Variants in TTC29 observed in about 807,000 individuals in gnomAD.
The protein encoded by TTC29 is tetratricopeptide repeat protein 29.
In TTC29, 49 loss-of-function variants were observed where a neutral mutation model predicts 58.1. The ratio of observed to expected loss-of-function variants is 0.84; its 90% CI spans 0.67 to 1.07. The LOEUF is 1.07. TTC29 is among the 50% of genes least tolerant of loss of function. The probability of loss-of-function intolerance (pLI) is 0.00; values close to 1 mark genes in which losing one functional copy is unlikely to be tolerated. For synonymous variants in TTC29, 209 were observed against 196.8 expected (o/e 1.06, Z -0.52); for missense variants, 582 against 555.6 (o/e 1.05, Z -0.48).
chr4:146,746,630 G>A (rs1424562955), intron 11 of TTC29, among the ~76,000 whole-genome samples: 1 of 152,156 alleles, frequency 6.6e-6, no homozygotes, highest in African/African-American at 2.4e-5. Flanking sequence ...TTTATTGTGT[G>A]TGTGAGGAAT....
At chr4:146,803,949 G>T (rs531312267) in intron 10 of TTC29, among the ~76,000 whole-genome samples, 6 of 152,306 alleles carry the variant, frequency 3.9e-5, no homozygotes, top group Middle Eastern at 3.4e-3. Context: ...GTTCTGCAAT[G>T]TCTGGCAAGA....
At chr4:146,807,190 T>A (rs1340101697) in intron 10 of TTC29, among the ~76,000 whole-genome samples, 2 of 152,068 alleles carry the variant, frequency 1.3e-5, no homozygotes, top group Non-Finnish European at 2.9e-5. Flanking sequence ...TTGAAACCAA[T>A]GAGAACAAAG....
At chr4:146,935,491 A>G (rs1448784783) in intron 4 of TTC29, among the ~76,000 whole-genome samples, 2 of 152,312 alleles carry the variant, frequency 1.3e-5, no homozygotes, top group Non-Finnish European at 2.9e-5. Context: ...CTGAAGATCT[A>G]TGACTACCAG....
At chr4:146,828,067 A>G (rs758727143) in intron 9 of TTC29, among the ~76,000 whole-genome samples, 7 of 151,666 alleles carry the variant, frequency 4.6e-5, no homozygotes, top group Non-Finnish European at 1.0e-4. Flanking sequence ...ATGAAATTTT[A>G]TGTTACTGCA....
At chr4:146,758,510 C>G (rs1473585338) in intron 11 of TTC29, among the ~76,000 whole-genome samples, 1 of 152,062 alleles carries the variant, frequency 6.6e-6, no homozygotes, top group Non-Finnish European at 1.5e-5. Context: ...ATATACAGAA[C>G]GTTTCATCCA....
At chr4:146,778,923 A>G (rs1168142614) in intron 11 of TTC29, among the ~76,000 whole-genome samples, 4 of 144,128 alleles carry the variant, frequency 2.8e-5, no homozygotes, top group Non-Finnish European at 6.0e-5. Context: ...CGCAGACTTT[A>G]CTGCTACCCA....
chr4:146,861,300 T>C (rs1004673957), intron 8 of TTC29, among the ~76,000 whole-genome samples: 4 of 152,140 alleles, frequency 2.6e-5, no homozygotes, highest in Non-Finnish European at 4.4e-5. Context: ...GACCTTATAA[T>C]ATACCTCTTA....
Position 146,728,774 on chromosome 4 carries a change from C to CAT in TTC29, c.1331-21225_1331-21224dup, listed in dbSNP as rs1454226268. Among the ~76,000 whole-genome samples, 80 of 124,036 alleles carry CAT rather than the reference C, an allele frequency of 6.4e-4. 1 individual carries two copies. Among genetic ancestry groups the CAT allele is most frequent in the African/African-American group, 2.4e-3 (76 of 31,070 alleles). 81.4% of individuals were successfully genotyped at this position (124,036 alleles called of 152,430 possible). A position where few individuals can be genotyped will look rare whatever the true frequency, so the allele number is the denominator to read the frequency against. ...GAGGATATATGTACATATATATACA[C>CAT]ATATATATGTGTATATATACGTATA... On this transcript the variant is annotated intron_variant, in intron 11 of 12. Transcript: ENST00000325106.
At chr4:146,850,211 T>C (rs1729432258) in intron 8 of TTC29, among the ~76,000 whole-genome samples, 1 of 152,204 alleles carries the variant, frequency 6.6e-6, no homozygotes. Flanking sequence ...TGAGCTAATT[T>C]AATCTTCTTA....
chr4:146,722,945 G>A (rs1007794261), intron 11 of TTC29, among the ~76,000 whole-genome samples: 11 of 152,028 alleles, frequency 7.2e-5, no homozygotes, highest in African/African-American at 9.7e-5. Context: ...CGATCCACCC[G>A]CCTCAGCCTC....
intron 5 of TTC29, 65 bp from the exon 6 acceptor site, chr4:146,903,794 C>T (rs113686393): frequency 1.9e-4 from 228 of 1,199,204 alleles, no homozygotes; most frequent in African/African-American, 1.8e-3. Context: ...CCCTTTAGAA[C>T]GGCAAACCAA....
intron 7 of TTC29, among the ~76,000 whole-genome samples, chr4:146,871,176 C>T (rs1730904438): frequency 6.6e-6 from 1 of 151,768 alleles, no homozygotes; most frequent in Non-Finnish European, 1.5e-5. Context: ...AAGGTTGGTT[C>T]AACATATGCT....
chr4:146,798,823 CT>C (rs1750008777), intron 11 of TTC29, among the ~76,000 whole-genome samples: 1 of 124,752 alleles, frequency 8.0e-6, no homozygotes, highest in African/African-American at 3.0e-5. Context: ...GGAGACGGAG[CT>C]TGTAATGAGC....
chr4:146,745,310 CT>C (rs1745462282), intron 11 of TTC29, among the ~76,000 whole-genome samples: 1 of 152,196 alleles, frequency 6.6e-6, no homozygotes, highest in Non-Finnish European at 1.5e-5. Flanking sequence ...GAACCAGAGC[CT>C]TCTGGAACTA....
At chr4:146,731,515 G>A (rs932208089) in intron 11 of TTC29, among the ~76,000 whole-genome samples, 10 of 152,086 alleles carry the variant, frequency 6.6e-5, no homozygotes, top group Admixed American at 1.3e-4. Context: ...TTTAGCTAGT[G>A]TTATGGTTTC....
intron 6 of TTC29, among the ~76,000 whole-genome samples, chr4:146,883,447 T>C (rs541825210): frequency 6.6e-6 from 1 of 152,186 alleles, no homozygotes; most frequent in South Asian, 2.1e-4. Flanking sequence ...GGGCCTTTTA[T>C]AGGGAATACC....
At chr4:146,839,464 G>C (rs1430584271) in intron 8 of TTC29, among the ~76,000 whole-genome samples, 1 of 150,812 alleles carries the variant, frequency 6.6e-6, no homozygotes, top group Non-Finnish European at 1.5e-5. Flanking sequence ...AATATGTATA[G>C]CTATTATATA....
chr4:146,824,021 T>C (rs1292273405), intron 9 of TTC29, among the ~76,000 whole-genome samples: 2 of 152,218 alleles, frequency 1.3e-5, no homozygotes, highest in Non-Finnish European at 2.9e-5. Flanking sequence ...TGGGATTTTC[T>C]AAATATACAA....
chr4:146,925,020 A>C (rs899456264), intron 4 of TTC29, among the ~76,000 whole-genome samples: 7 of 152,050 alleles, frequency 4.6e-5, no homozygotes, highest in African/African-American at 1.7e-4. Flanking sequence ...AAGATTTTCC[A>C]AAACTCTTTC....
Sources: gnomAD v4.1 joint callset for allele counts (sites outside exome capture counted in the v4.1 genomes callset) on GRCh38, gnomAD v4.1.1 for gene constraint, MANE v1.5 for transcripts, NCBI Gene and HGNC (gene_info 2026-07-23, HGNC 2026-07-21) for gene names.